The following AGTR1 variants were observed in gnomAD, a reference collection of about 807,000 sequenced individuals.
The protein encoded by AGTR1 is type-1 angiotensin II receptor.
AGTR1 carries 16 observed loss-of-function variants against 19.4 expected under a neutral mutation model. That is an observed-to-expected ratio of 0.82 (90% CI 0.56 to 1.25). The LOEUF (loss-of-function observed/expected upper bound fraction) is 1.25. Ranked by LOEUF, AGTR1 falls within the 50% of genes most tolerant of loss-of-function variation. The pLI, the probability that AGTR1 is intolerant of heterozygous loss-of-function variation, is 0.00. For synonymous variants in AGTR1, 153 were observed against 154.9 expected (o/e 0.99, Z 0.09); for missense variants, 373 against 431.9 (o/e 0.86, Z 1.21).
chr3:148,707,431 C>T (rs537707496), intron 1 of AGTR1, among the ~76,000 whole-genome samples: 18 of 152,032 alleles, frequency 1.2e-4, no homozygotes, highest in East Asian at 7.7e-4. Flanking sequence ...GACATTTATA[C>T]GACGCGTTAG....
At chr3:148,735,525 A>G (rs1714525949) in intron 2 of AGTR1, among the ~76,000 whole-genome samples, 1 of 152,202 alleles carries the variant, frequency 6.6e-6, no homozygotes, top group South Asian at 2.1e-4. Context: ...ATACCTGAGG[A>G]ACTATAAATA....
chr3:148,734,398 T>C (rs1714453276), intron 2 of AGTR1, among the ~76,000 whole-genome samples: 1 of 152,190 alleles, frequency 6.6e-6, no homozygotes, highest in Admixed American at 6.5e-5. Flanking sequence ...TAGTCACAAT[T>C]GGTACATGCA....
intron 1 of AGTR1, among the ~76,000 whole-genome samples, chr3:148,704,535 C>T (rs1230640374): frequency 6.6e-6 from 1 of 152,114 alleles, no homozygotes; most frequent in Non-Finnish European, 1.5e-5. Context: ...AGCATTCCAA[C>T]TCAAATTACA....
Position 148,737,571 on chromosome 3 carries a change from C to G in AGTR1, c.-47-3418C>G, listed in dbSNP as rs112632466. ...AGAGGAGGAGAACTGTGACTTTATTCCCCTTGCATCCTGGACACCCACACA... is the reference window on the plus strand; with the variant it reads ...AGAGGAGGAGAACTGTGACTTTATTGCCCTTGCATCCTGGACACCCACACA... On this transcript the variant is annotated intron_variant, in intron 2 of 2. Coordinates refer to ENST00000349243, the MANE Select transcript of AGTR1 (RefSeq NM_000685.5). 4.1e-3 allele frequency among the ~76,000 whole-genome samples: 619 copies of G among 152,036 alleles called. 2 individuals are homozygous for G. Among genetic ancestry groups the G allele is most frequent in the African/African-American group, 0.014 (576 of 41,468 alleles).
intron 2 of AGTR1, among the ~76,000 whole-genome samples, chr3:148,726,478 A>AT (rs541962046): frequency 1.2e-4 from 18 of 152,326 alleles, no homozygotes; most frequent in Admixed American, 5.9e-4. Flanking sequence ...AAGTGCTGGG[A>AT]TTACAGGCGT....
chr3:148,725,746 G>A (rs1397602459), intron 2 of AGTR1, among the ~76,000 whole-genome samples: 4 of 152,126 alleles, frequency 2.6e-5, no homozygotes, highest in East Asian at 3.9e-4. Context: ...GCCTCCCAAA[G>A]TGCTGGGATT....
At chr3:148,729,903 T>A (rs1398180571) in intron 2 of AGTR1, among the ~76,000 whole-genome samples, 1 of 152,214 alleles carries the variant, frequency 6.6e-6, no homozygotes, top group Non-Finnish European at 1.5e-5. Context: ...CCCTTGCTGG[T>A]ACTTTAGTTT....
At chr3:148,726,340 A>C (rs760067644) in intron 2 of AGTR1, among the ~76,000 whole-genome samples, 32 of 151,824 alleles carry the variant, frequency 2.1e-4, no homozygotes, top group Non-Finnish European at 4.3e-4. Flanking sequence ...TCCCGAGTAG[A>C]TGGGATTACA....
Position 148,742,107 on chromosome 3 carries a change from G to A in AGTR1, c.1072G>A (p.Val358Ile). The A allele has an allele frequency of 3.1e-6, 5 of 1,613,944 alleles. No homozygotes were observed. In the South Asian group the frequency reaches 4.4e-5, roughly 14 times the overall value. Residue 358 changes from valine (V) to isoleucine (I), a missense_variant, in exon 3 of 3, where the codon GTT becomes ATT. By Grantham distance (29) the Val-to-Ile change is conservative. Transcript: ENST00000349243. ...CAAGAAGCCTGCACCATGTTTTGAG[G>A]TTGAGTGACATGTTCGAAACCTGTC... ...STKKPAPCFE[V>I]E
chr3:148,706,511 G>C (rs972831461), intron 1 of AGTR1, among the ~76,000 whole-genome samples: 2 of 151,848 alleles, frequency 1.3e-5, no homozygotes, highest in African/African-American at 2.4e-5. Context: ...TGATGAATTT[G>C]ACTACATAAA....
At chr3:148,736,700 C>T (rs1187210465) in intron 2 of AGTR1, among the ~76,000 whole-genome samples, 1 of 152,126 alleles carries the variant, frequency 6.6e-6, no homozygotes, top group Non-Finnish European at 1.5e-5. Context: ...CAGATTTGTA[C>T]GTGGCAAAGG....
intron 1 of AGTR1, among the ~76,000 whole-genome samples, chr3:148,701,857 C>T (rs1712365538): frequency 1.3e-5 from 2 of 152,130 alleles, no homozygotes; most frequent in East Asian, 1.9e-4. Flanking sequence ...CTTATACACA[C>T]ATAGATGCCT....
intron 2 of AGTR1, among the ~76,000 whole-genome samples, chr3:148,715,964 A>AT (rs1713285836): frequency 1.3e-5 from 2 of 152,132 alleles, no homozygotes; most frequent in South Asian, 2.1e-4. Flanking sequence ...TAGTACCCTG[A>AT]TGGAAATCCA....
At chr3:148,731,842 A>G (rs1163403047) in intron 2 of AGTR1, among the ~76,000 whole-genome samples, 4 of 152,248 alleles carry the variant, frequency 2.6e-5, no homozygotes, top group African/African-American at 4.8e-5. Flanking sequence ...TAAAAAGTAA[A>G]GAACTATAAT....
chr3:148,712,949 G>A (rs968368518), intron 2 of AGTR1, among the ~76,000 whole-genome samples: 2 of 152,070 alleles, frequency 1.3e-5, no homozygotes, highest in African/African-American at 4.8e-5. Context: ...GGGCAACTGA[G>A]GTAGTAGGAG....
At chr3:148,706,809 AT>A (rs1182501333) in intron 1 of AGTR1, among the ~76,000 whole-genome samples, 1 of 152,080 alleles carries the variant, frequency 6.6e-6, no homozygotes, top group Non-Finnish European at 1.5e-5. Flanking sequence ...CCTTTTACTT[AT>A]CAGATAAAGA....
chr3:148,727,195 C>A (rs1713995189), intron 2 of AGTR1, among the ~76,000 whole-genome samples: 1 of 152,208 alleles, frequency 6.6e-6, no homozygotes, highest in South Asian at 2.1e-4. Flanking sequence ...AATTGTCAAA[C>A]TTCCAGAAAG....
At chr3:148,705,098 T>G (rs927709442) in intron 1 of AGTR1, among the ~76,000 whole-genome samples, 2 of 152,154 alleles carry the variant, frequency 1.3e-5, no homozygotes, top group Non-Finnish European at 2.9e-5. Context: ...GTGATCACCC[T>G]CTATAGCCCC....
intron 1 of AGTR1, among the ~76,000 whole-genome samples, chr3:148,703,686 T>G (rs1712486187): frequency 6.6e-6 from 1 of 152,216 alleles, no homozygotes; most frequent in Non-Finnish European, 1.5e-5. Context: ...ACATAAGAAT[T>G]CTAATTTCAT....
Sources: allele counts gnomAD v4.1 joint callset (sites outside exome capture counted in the v4.1 genomes callset), GRCh38; gene constraint gnomAD v4.1.1; transcripts MANE v1.5; gene names NCBI Gene and HGNC (gene_info 2026-07-23, HGNC 2026-07-21).